APC2: variants seen among roughly 807,000 people sequenced by gnomAD.
The protein encoded by APC2 is APC regulator of Wnt signaling pathway 2.
A neutral mutation model predicts 72.5 loss-of-function variants in APC2; 41 were observed. The ratio of observed to expected loss-of-function variants is 0.57; its 90% confidence interval spans 0.44 to 0.73. APC2 has a LOEUF of 0.73. APC2 is among the 30% of genes least tolerant of loss of function. The probability of loss-of-function intolerance (pLI) is 0.00; values close to 1 mark genes in which losing one functional copy is unlikely to be tolerated. For synonymous variants in APC2, 1,898 were observed against 1,612.0 expected (o/e 1.18, Z -4.25); for missense variants, 3,729 against 3,403.4 (o/e 1.10, Z -2.38).
rs1568181273 is a variant in APC2 at position 1,467,446 on chromosome 19, C to G, written c.4145C>G (p.Pro1382Arg). 6.8e-7 allele frequency: 1 copy of G among 1,476,392 alleles called. No individual in the cohort carries two copies. Among genetic ancestry groups the G allele is most frequent in the Non-Finnish European group, 8.9e-7 (1 of 1,117,782 alleles). 91.5% of individuals were successfully genotyped at this position (1,476,392 alleles called of 1,614,324 possible). ...PVYMLVPAPA[P>R]AQEDDSCTDS... Reference sequence around the variant, plus strand: ...TACATGTTGGTGCCCGCCCCGGCCCCGGCCCAGGAGGACGACTCCTGCACT... The same window carrying G: ...TACATGTTGGTGCCCGCCCCGGCCCGGGCCCAGGAGGACGACTCCTGCACT... The change falls in exon 15 of 15, where the codon CCG (proline) becomes CGG (arginine). Residue 1382 changes from proline (P) to arginine (R), a missense_variant. Coordinates refer to ENST00000590469, the MANE Select transcript of APC2 (RefSeq NM_005883.3).
chr19:1,466,818 A>T lies in APC2; in HGVS notation c.3517A>T (p.Ser1173Cys). Residue 1173 changes from serine (S) to cysteine (C), a missense_variant, in exon 15 of 15, where the codon AGC becomes TGC. Physicochemically the swap from Ser to Cys is moderately radical, Grantham distance 112 (BLOSUM62 -1). Transcript: ENST00000590469. ...SSVSSLGSFE[S>C]PSIASSIPSE... ...TGTGAGCTCGCTGGGCAGCTTCGAG[A>T]GCCCGTCCATCGCCAGCTCCATCCC... The T allele has an allele frequency of 6.4e-7, 1 of 1,553,870 alleles. No homozygotes were observed. The highest frequency in any genetic ancestry group is 8.7e-7 in the Non-Finnish European group (1 of 1,149,916).
intron 10 of APC2, among the ~76,000 whole-genome samples, chr19:1,459,231 G>T (rs1460467710): frequency 6.6e-6 from 1 of 152,102 alleles, no homozygotes; most frequent in Non-Finnish European, 1.5e-5. Context: ...GACAGACAGG[G>T]TCTTGCTCTG....
At chr19:1,448,805 C>T (rs1337835309), upstream of APC2, among the ~76,000 whole-genome samples, 2 of 148,986 alleles carry the variant, frequency 1.3e-5, no homozygotes, top group Non-Finnish European at 3.0e-5. Context: ...GAACGTGCCA[C>T]TGCACTCCAG....
chr19:1,470,034 G>C lies in APC2; in HGVS notation c.6733G>C (p.Val2245Leu), dbSNP rs1256038840. Reference sequence around the variant, plus strand: ...CAAGGCTCCCATCTCCGCACCCTTCGTGCACGAGGGCCTGGGGGTCGCCGT... The same window carrying C: ...CAAGGCTCCCATCTCCGCACCCTTCCTGCACGAGGGCCTGGGGGTCGCCGT... ...LAKAPISAPF[V>L]HEGLGVAVGG... Residue 2245 changes from valine to leucine, a missense_variant, in exon 15 of 15, where the codon GTG (valine) becomes CTG (leucine). By Grantham distance (32) the Val-to-Leu change is conservative. Coordinates refer to ENST00000590469, the MANE Select transcript of APC2 (RefSeq NM_005883.3). 2 of 1,564,508 alleles carry C rather than the reference G, an allele frequency of 1.3e-6. No homozygotes were observed. Among genetic ancestry groups the C allele is most frequent in the African/African-American group, 2.7e-5 (2 of 73,400 alleles).
At chr19:1,457,351 T>C in intron 9 of APC2, 108 bp downstream of exon 9, 3 of 1,411,514 alleles carry the variant, frequency 2.1e-6, no homozygotes, top group Non-Finnish European at 2.8e-6. Context: ...CCTTCTGGCG[T>C]TGGAGGCTGC....
rs756057323 is a variant in APC2, at chr19:1,467,805, A to G, written c.4504A>G (p.Thr1502Ala). Reference protein sequence around the residue: ...ALQSLCLTTPTEEAVYCFYGN... With the variant: ...ALQSLCLTTPAEEAVYCFYGN... ...CCAGTCGCTGTGCCTCACGACGCCC[A>G]CTGAGGAGGCCGTGTACTGCTTCTA... The change falls in exon 15 of 15, where the codon ACT becomes GCT. Residue 1502 changes from threonine (T) to alanine (A), a missense_variant. Thr to Ala is a moderately conservative substitution (Grantham distance 58, BLOSUM62 0). Coordinates refer to ENST00000590469, the MANE Select transcript of APC2 (RefSeq NM_005883.3). The G allele has an allele frequency of 1.4e-6, 2 of 1,470,982 alleles. No individual in the cohort carries two copies. The highest frequency in any genetic ancestry group is 1.8e-6 in the Non-Finnish European group (2 of 1,116,108). 91.1% of individuals were successfully genotyped at this position (1,470,982 alleles called of 1,614,324 possible). A position where few individuals can be genotyped will look rare whatever the true frequency, so the allele number is the denominator to read the frequency against.
intron 10 of APC2, among the ~76,000 whole-genome samples, chr19:1,458,791 A>C (rs56096231): frequency 6.6e-6 from 1 of 151,860 alleles, no homozygotes; most frequent in Non-Finnish European, 1.5e-5. Flanking sequence ...ATCTCAGCTC[A>C]CTGCAAACTC....
At chr19:1,450,116 C>G (rs1315419672), upstream of APC2, 2 of 983,938 alleles carry the variant, frequency 2.0e-6, no homozygotes, top group Non-Finnish European at 2.4e-6. Flanking sequence ...CATCCTCCCC[C>G]GCTCGCGGTG....
In APC2 at chr19:1,469,996, G is replaced by A; in HGVS notation, c.6695G>A (p.Gly2232Asp). The A allele has an allele frequency of 6.5e-7, 1 of 1,538,052 alleles. No individual in the cohort carries two copies. The highest frequency in any genetic ancestry group is 8.7e-7 in the Non-Finnish European group (1 of 1,147,408). The part of the protein sequence containing the change: ...QLSLLGSDVD[G>D]PSLAKAPISA... ...TCCCTCCTCGGCAGCGACGTGGACG[G>A]TCCCAGCCTCGCCAAGGCTCCCATC... Residue 2232 changes from glycine to aspartate, a missense_variant, in exon 15 of 15, where the codon GGT (glycine) becomes GAT (aspartate). Coordinates refer to ENST00000590469, the MANE Select transcript of APC2 (RefSeq NM_005883.3).
upstream of APC2, among the ~76,000 whole-genome samples, chr19:1,448,858 GA>G (rs1350821802): frequency 1.7e-4 from 23 of 137,132 alleles, no homozygotes; most frequent in African/African-American, 5.9e-4. Flanking sequence ...AAAAAAAAAA[GA>G]AAAAAAAGAA....
chr19:1,453,044 G>A lies in APC2; in HGVS notation c.43G>A (p.Val15Met), dbSNP rs1406322295. The change falls in exon 2 of 15, where the codon GTG becomes ATG. Residue 15 changes from valine (V) to methionine (M), a missense_variant. Coordinates refer to ENST00000590469, the MANE Select transcript of APC2 (RefSeq NM_005883.3). The stretch of plus-strand genomic sequence containing the variant: ...GCCCTACGAGCAGCTGGTGAGGCAG[G>A]TGGAGGCCTTGAAGGCTGAGAACAG... The part of the protein sequence containing the change: ...VAPYEQLVRQ[V>M]EALKAENSHL... The A allele has an allele frequency of 1.2e-6, 2 of 1,611,196 alleles. No individual in the cohort carries two copies. Among genetic ancestry groups the A allele is most frequent in the East Asian group, 4.5e-5 (2 of 44,880 alleles).
chr19:1,467,263 G>C lies in APC2; in HGVS notation c.3962G>C (p.Arg1321Pro). The C allele has an allele frequency of 1.5e-6, 2 of 1,304,764 alleles. No individual in the cohort carries two copies. Among genetic ancestry groups the C allele is most frequent in the Non-Finnish European group, 1.9e-6 (2 of 1,031,764 alleles). The allele number at this position is 1,304,764 out of a possible 1,614,324, so 80.8% of individuals were successfully genotyped here. A position where few individuals can be genotyped will look rare whatever the true frequency, so the allele number is the denominator to read the frequency against. The stretch of plus-strand genomic sequence containing the variant: ...CTCCACTTTGCAGGGCACCGGCGGC[G>C]GGAGGAGGGGCCGGCGCCCACGGGT... ...AGLHFAGHRR[R>P]EEGPAPTGSR... Residue 1321 changes from arginine (R) to proline (P), a missense_variant, in exon 15 of 15, where the codon CGG becomes CCG. Transcript: ENST00000590469.
rs2084038699 is a variant in APC2 at position 1,467,445 on chromosome 19, C to G, written c.4144C>G (p.Pro1382Ala). The G allele has an allele frequency of 6.8e-7, 1 of 1,477,668 alleles. No individual in the cohort carries two copies. The highest frequency in any genetic ancestry group is 1.5e-5 in the African/African-American group (1 of 68,400). The allele number at this position is 1,477,668 out of a possible 1,614,324, so 91.5% of individuals were successfully genotyped here. The change falls in exon 15 of 15, where the codon CCG becomes GCG. Residue 1382 changes from proline (P) to alanine (A), a missense_variant. Physicochemically the swap from Pro to Ala is conservative, Grantham distance 27. Coordinates refer to ENST00000590469, the MANE Select transcript of APC2 (RefSeq NM_005883.3). The part of the protein sequence containing the change: ...PVYMLVPAPA[P>A]AQEDDSCTDS... ...CTACATGTTGGTGCCCGCCCCGGCC[C>G]CGGCCCAGGAGGACGACTCCTGCAC...
intron 10 of APC2, 30 bp downstream of exon 10, chr19:1,458,090 T>TCCTCC (rs750782191): frequency 1.2e-5 from 18 of 1,541,934 alleles, no homozygotes; most frequent in Non-Finnish European, 1.5e-5. Context: ...TGGGAAGCCA[T>TCCTCC]CCTCCAGCCC....
rs2145256203 is a variant in APC2 at position 1,468,927 on chromosome 19, T to G, written c.5626T>G (p.Ser1876Ala). The G allele has an allele frequency of 6.6e-7, 1 of 1,517,162 alleles. No homozygotes were observed. Among genetic ancestry groups the G allele is most frequent in the African/African-American group, 1.4e-5 (1 of 69,020 alleles). 94.0% of individuals were successfully genotyped at this position (1,517,162 alleles called of 1,614,324 possible). A position where few individuals can be genotyped will look rare whatever the true frequency, so the allele number is the denominator to read the frequency against. ...CCTCGCCAAGACCCCCTCCTCCAGC[T>G]CCTCCCAGACCTCGCCCGCCTCCCA... ...ARLAKTPSSS[S>A]SQTSPASQPL... The change falls in exon 15 of 15, where the codon TCC becomes GCC. Residue 1876 changes from serine to alanine, a missense_variant. Physicochemically the swap from Ser to Ala is moderately conservative, Grantham distance 99. Transcript: ENST00000590469.
chr19:1,470,444 C>G lies in APC2; in HGVS notation c.*231C>G. 1 of 599,718 alleles carries G rather than the reference C, an allele frequency of 1.7e-6. No homozygotes were observed. Among genetic ancestry groups the G allele is most frequent in the Non-Finnish European group, 2.7e-6 (1 of 374,330 alleles). The allele number at this position is 599,718 out of a possible 1,614,324, so 37.1% of individuals were successfully genotyped here. The stretch of plus-strand genomic sequence containing the variant: ...AGGAAACGGGGCGGCCGCTAGGCCT[C>G]AAGTCCCGACCGTGGAGCGCTGGCA... On this transcript the variant is annotated 3_prime_UTR_variant, in exon 15 of 15. Coordinates refer to ENST00000590469, the MANE Select transcript of APC2 (RefSeq NM_005883.3).
At chr19:1,449,802 A>C (rs894208079), upstream of APC2, among the ~76,000 whole-genome samples, 1 of 152,094 alleles carries the variant, frequency 6.6e-6, no homozygotes, top group Non-Finnish European at 1.5e-5. Context: ...CCCCGCCAAG[A>C]TGCTGATGTA....
intron 14 of APC2, among the ~76,000 whole-genome samples, chr19:1,463,827 ATAAATAATATTTT>A (rs2083964368): frequency 1.3e-5 from 2 of 151,992 alleles, no homozygotes. Context: ...ATTTATAAAA[ATAAATAATATTTT>A]TAATTGAAGT....
chr19:1,460,832 C>G lies in APC2; in HGVS notation c.1496C>G (p.Ala499Gly). The G allele has an allele frequency of 1.2e-6, 2 of 1,613,178 alleles. No homozygotes were observed. Among genetic ancestry groups the G allele is most frequent in the Non-Finnish European group, 1.7e-6 (2 of 1,179,952 alleles). The change falls in exon 12 of 15, where the codon GCC (alanine) becomes GGC (glycine). Residue 499 changes from alanine (A) to glycine (G), a missense_variant. Transcript: ENST00000590469. ...ATGGAGGCCATCGTGGCCCAGCTGG[C>G]CTCCGACAGTGAGGAGCTCCACCAG... ...GCMEAIVAQLASDSEELHQVV... is the reference protein window; with the variant it reads ...GCMEAIVAQLGSDSEELHQVV...
Sources: allele counts gnomAD v4.1 joint callset (sites outside exome capture counted in the v4.1 genomes callset), GRCh38; gene constraint gnomAD v4.1.1; transcripts MANE v1.5; gene names NCBI Gene and HGNC (gene_info 2026-07-23, HGNC 2026-07-21).